Variants in KIF26A observed in about 807,000 individuals in gnomAD.
The protein encoded by KIF26A is kinesin-like protein KIF26A.
Under a neutral mutation model 126.0 loss-of-function variants are expected in KIF26A, and 74 were observed. The observed-to-expected ratio is 0.59, with a 90% CI of 0.49 to 0.71. KIF26A has a LOEUF of 0.71. KIF26A is among the 30% of genes least tolerant of loss of function. The pLI is 0.00. For synonymous variants in KIF26A, 1,445 were observed against 1,232.7 expected (o/e 1.17, Z -3.61); for missense variants, 2,984 against 2,763.3 (o/e 1.08, Z -1.79).
At chr14:104,179,466 C>G (rs1048947310) in intron 14 of KIF26A, 80 bp downstream of exon 14, 4 of 1,426,888 alleles carry the variant, frequency 2.8e-6, no homozygotes, top group Non-Finnish European at 3.7e-6. Flanking sequence ...AGCCCTGTTG[C>G]TCTCCTGTAC....
chr14:104,146,795 C>T (rs1235031751), intron 2 of KIF26A, among the ~76,000 whole-genome samples: 2 of 152,140 alleles, frequency 1.3e-5, no homozygotes, highest in African/African-American at 2.4e-5. Context: ...TGAAAAGCCC[C>T]GAGATGGGCC....
At position 104,175,936 on chromosome 14, in the gene KIF26A, C is replaced by G; in HGVS notation, c.3148C>G (p.Arg1050Gly). The change falls in exon 12 of 15, where the codon CGG becomes GGG. Residue 1050 changes from arginine (R) to glycine (G), a missense_variant. Coordinates refer to ENST00000423312, the MANE Select transcript of KIF26A (RefSeq NM_015656.2). ...LSLGALAGAG[R>G]PTSLASFDSD... ...CCTGGGGGCGCTTGCCGGAGCTGGG[C>G]GGCCCACCAGCCTGGCTAGCTTCGA... The G allele has an allele frequency of 6.4e-7, 1 of 1,557,378 alleles. No individual in the cohort carries two copies. Among genetic ancestry groups the G allele is most frequent in the South Asian group, 1.2e-5 (1 of 85,426 alleles).
At chr14:104,167,116 G>T (rs1401044148) in intron 5 of KIF26A, 68 bp downstream of exon 5, 26 of 1,407,070 alleles carry the variant, frequency 1.8e-5, no homozygotes, top group African/African-American at 5.8e-5. Context: ...ACGCAGGAGG[G>T]GTGAGGGAGT....
In KIF26A at chr14:104,180,123, C is replaced by T. The variant is rs150510798; in HGVS notation, c.*333C>T. 5.8e-4 allele frequency: 148 copies of T among 257,072 alleles called. No individual in the cohort carries two copies. Among genetic ancestry groups the T allele is most frequent in the African/African-American group, 3.0e-3 (134 of 45,116 alleles). The allele number at this position is 257,072 out of a possible 1,614,324, so 15.9% of individuals were successfully genotyped here. A position where few individuals can be genotyped will look rare whatever the true frequency, so the allele number is the denominator to read the frequency against. ...TCAGCCCGGCCCCGCTGCGCCTGTC[C>T]GGGCCGGGGCTGGCGCCGGTTGTGT... is the stretch of plus-strand genomic sequence containing the variant. On this transcript the variant is annotated 3_prime_UTR_variant, in exon 15 of 15. Transcript: ENST00000423312.
chr14:104,138,674 G>A lies in KIF26A; in HGVS notation c.-49G>A. ...ATCACGTAGCCGCGGCGCCCCCGGA[G>A]AGCCAGCGTGGCCGGGAGCGCCTGC... On this transcript the variant is annotated 5_prime_UTR_variant, in exon 1 of 15. Coordinates refer to ENST00000423312, the MANE Select transcript of KIF26A (RefSeq NM_015656.2). The A allele has an allele frequency of 8.0e-7, 1 of 1,251,008 alleles. No individual in the cohort carries two copies. The allele number at this position is 1,251,008 out of a possible 1,614,324, so 77.5% of individuals were successfully genotyped here.
At position 104,177,498 on chromosome 14, in the gene KIF26A, G is replaced by T. The variant is rs1463870696; in HGVS notation, c.4710G>T (p.Leu1570=). 1 of 1,534,486 alleles carries T rather than the reference G, an allele frequency of 6.5e-7. No individual in the cohort carries two copies. The highest frequency in any genetic ancestry group is 8.7e-7 in the Non-Finnish European group (1 of 1,145,884). Reference sequence around the variant, plus strand: ...CTGCTCACAGCCGCGTCCATGAGCTGTCAGCCAGTGGAGCCCCGGGCCGAG... The same window carrying T: ...CTGCTCACAGCCGCGTCCATGAGCTTTCAGCCAGTGGAGCCCCGGGCCGAG... ...LRAAHSRVHE[L]SASGAPGRGG... Residue 1570 remains leucine (L), a synonymous_variant, in exon 12 of 15, where the codon CTG becomes CTT. Coordinates refer to ENST00000423312, the MANE Select transcript of KIF26A (RefSeq NM_015656.2).
chr14:104,165,077 ATG>A (rs1432496870), intron 4 of KIF26A, among the ~76,000 whole-genome samples: 3 of 136,758 alleles, frequency 2.2e-5, no homozygotes, highest in Non-Finnish European at 4.7e-5. Context: ...TTCTGTATGC[ATG>A]TGTGTGTTTC....
At chr14:104,172,315 C>T (rs1217890166) in intron 6 of KIF26A, among the ~76,000 whole-genome samples, 4 of 152,254 alleles carry the variant, frequency 2.6e-5, no homozygotes, top group African/African-American at 7.2e-5. Flanking sequence ...TCTGCCCCTG[C>T]GCCCGGCGGC....
chr14:104,141,513 T>C (rs899305938), intron 2 of KIF26A, among the ~76,000 whole-genome samples: 4 of 152,046 alleles, frequency 2.6e-5, no homozygotes, highest in African/African-American at 9.7e-5. Flanking sequence ...GTCTCCGTTG[T>C]AGAGGGAGGC....
intron 4 of KIF26A, among the ~76,000 whole-genome samples, chr14:104,158,990 G>A (rs7159256): frequency 0.052 from 7,879 of 152,324 alleles, 363 homozygotes; most frequent in South Asian, 0.19. Flanking sequence ...GGCCAGAGAC[G>A]AGGGCGTCTT....
chr14:104,178,624 G>A lies in KIF26A; in HGVS notation c.5185G>A (p.Gly1729Arg), dbSNP rs1566867487. Residue 1729 changes from glycine (G) to arginine (R), a missense_variant, in exon 13 of 15, where the codon GGG becomes AGG. Gly to Arg is a moderately radical substitution (Grantham distance 125, BLOSUM62 -2). Coordinates refer to ENST00000423312, the MANE Select transcript of KIF26A (RefSeq NM_015656.2). ...CCTGGGCCGTAAGCCCAGCCTCCCC[G>A]GGCAGTGGGTGGACCTGCCCCCGCC... is the stretch of plus-strand genomic sequence containing the variant. ...TALGRKPSLP[G>R]QWVDLPPPLA... 7.1e-6 allele frequency: 11 copies of A among 1,549,282 alleles called. 1 individual carries two copies. In the Middle Eastern group the frequency reaches 7.9e-4, roughly 111 times the overall value.
chr14:104,139,004 C>G (rs2037610330), intron 1 of KIF26A, 39 bp from the exon 2 acceptor site: 2 of 1,327,864 alleles, frequency 1.5e-6, no homozygotes, highest in South Asian at 2.1e-5. Context: ...CGACGGACGT[C>G]CCAGGCTCAC....
rs150421366 is a variant in KIF26A, at chr14:104,166,040, G to A, written c.924-819G>A. On this transcript the variant is annotated intron_variant, in intron 4 of 14. Transcript: ENST00000423312. ...GGAGTTCCCTGGGGGCACTGTGGGT[G>A]CAGGAATCCCCCACCCCTGGCGGTG... Among the ~76,000 whole-genome samples the A allele has an allele frequency of 4.0e-3, 611 of 152,224 alleles. 2 individuals carry two copies. The highest frequency in any genetic ancestry group is 6.8e-3 in the Middle Eastern group (2 of 294).
chr14:104,166,238 A>G (rs1200240127), intron 4 of KIF26A, among the ~76,000 whole-genome samples: 1 of 152,062 alleles, frequency 6.6e-6, no homozygotes, highest in African/African-American at 2.4e-5. Context: ...GTGATCGGCA[A>G]GGGGCAAGGC....
chr14:104,175,890 C>G lies in KIF26A; in HGVS notation c.3102C>G (p.Phe1034Leu). 1.3e-6 allele frequency: 2 copies of G among 1,542,324 alleles called. No homozygotes were observed. Among genetic ancestry groups the G allele is most frequent in the South Asian group, 1.2e-5 (1 of 84,314 alleles). The stretch of plus-strand genomic sequence containing the variant: ...TCAACGGCGAGGACGAGCTGGTGTT[C>G]ACGGTGGTGGAGGAGCTGTCCCTGG... ...VELNGEDELV[F>L]TVVEELSLGA... The change falls in exon 12 of 15, where the codon TTC becomes TTG. Residue 1034 changes from phenylalanine to leucine, a missense_variant. Phe to Leu is a conservative substitution (Grantham distance 22). Transcript: ENST00000423312.
chr14:104,164,710 TGTGA>T (rs566539573), intron 4 of KIF26A, among the ~76,000 whole-genome samples: 45 of 148,082 alleles, frequency 3.0e-4, no homozygotes, highest in Admixed American at 4.0e-4. Context: ...TGTGTATGTG[TGTGA>T]GTGTGTGTGC....
intron 5 of KIF26A, among the ~76,000 whole-genome samples, chr14:104,170,452 G>A (rs1193107212): frequency 3.3e-5 from 5 of 152,222 alleles, no homozygotes; most frequent in African/African-American, 1.2e-4. Context: ...AGTAGGTGCC[G>A]CCTGGTGCGA....
chr14:104,173,537 G>T, intron 9 of KIF26A, 24 bp downstream of exon 9: 1 of 1,523,110 alleles, frequency 6.6e-7, no homozygotes, highest in Non-Finnish European at 8.8e-7. Context: ...CCGCACTCCC[G>T]GGCCCCTGTG....
intron 4 of KIF26A, 111 bp from the exon 5 acceptor site, chr14:104,166,748 G>A: frequency 9.4e-7 from 1 of 1,066,074 alleles, no homozygotes; most frequent in Non-Finnish European, 1.3e-6. Context: ...GGGTTTCCTG[G>A]GATGGTGGCT....
Sources: gnomAD v4.1 joint callset for allele counts (sites outside exome capture counted in the v4.1 genomes callset) on GRCh38, gnomAD v4.1.1 for gene constraint, MANE v1.5 for transcripts, NCBI Gene and HGNC (gene_info 2026-07-23, HGNC 2026-07-21) for gene names.